C12orf75: variants seen among roughly 807,000 people sequenced by gnomAD.
C12orf75 encodes the protein overexpressed in colon carcinoma 1 protein.
Under a neutral mutation model 11.4 loss-of-function variants are expected in C12orf75, and 4 were observed. The ratio of observed to expected loss-of-function variants is 0.35; its 90% CI spans 0.17 to 0.80. C12orf75 has a LOEUF of 0.80. C12orf75 is among the 30% of genes least tolerant of loss of function. The pLI is 0.52. For synonymous variants in C12orf75, 30 were observed against 30.0 expected (o/e 1.00, Z 0.00); for missense variants, 89 against 80.4 (o/e 1.11, Z -0.41).
intron 1 of C12orf75, among the ~76,000 whole-genome samples, chr12:105,337,534 C>G (rs1382334841): frequency 6.6e-6 from 1 of 152,084 alleles, no homozygotes; most frequent in Non-Finnish European, 1.5e-5. Context: ...ATAGGGGCAT[C>G]TAAAACATCT....
At chr12:105,344,745 CAAAAA>C (rs35185869) in intron 1 of C12orf75, among the ~76,000 whole-genome samples, 1 of 102,576 alleles carries the variant, frequency 9.7e-6, no homozygotes, top group Non-Finnish European at 2.0e-5. Context: ...GACTCTGTGT[CAAAAA>C]AAAAAAAAAA....
intron 2 of C12orf75, among the ~76,000 whole-genome samples, chr12:105,350,340 C>A (rs1892695906): frequency 6.6e-6 from 1 of 152,126 alleles, no homozygotes; most frequent in Admixed American, 6.5e-5. Flanking sequence ...GGAGGAGATG[C>A]TACAGTGGAG....
chr12:105,348,902 A>ATT (rs5800663), intron 2 of C12orf75, among the ~76,000 whole-genome samples: 3 of 150,886 alleles, frequency 2.0e-5, no homozygotes, highest in South Asian at 2.1e-4. Context: ...TGGTATAGAG[A>ATT]TTTTTTTTTT....
At chr12:105,343,228 T>G (rs538383950) in intron 1 of C12orf75, among the ~76,000 whole-genome samples, 1 of 152,166 alleles carries the variant, frequency 6.6e-6, no homozygotes, top group East Asian at 1.9e-4. Context: ...TTTTGGTGTG[T>G]TTTTTTTCCC....
At chr12:105,349,674 A>G (rs937057516) in intron 2 of C12orf75, among the ~76,000 whole-genome samples, 2 of 151,910 alleles carry the variant, frequency 1.3e-5, no homozygotes, top group Admixed American at 6.6e-5. Flanking sequence ...TCAGGAGTTC[A>G]AGACCAACCT....
intron 5 of C12orf75, among the ~76,000 whole-genome samples, chr12:105,369,636 T>C (rs992578067): frequency 1.3e-5 from 2 of 151,892 alleles, no homozygotes; most frequent in East Asian, 3.9e-4. Flanking sequence ...CAGGCCCCGC[T>C]GTGTGATGTT....
At chr12:105,344,118 T>A (rs531307066) in intron 1 of C12orf75, among the ~76,000 whole-genome samples, 1 of 152,302 alleles carries the variant, frequency 6.6e-6, no homozygotes, top group East Asian at 1.9e-4. Flanking sequence ...GTGAAGTGGA[T>A]GGAGAGTTCC....
chr12:105,345,315 C>T (rs186295599), intron 1 of C12orf75, among the ~76,000 whole-genome samples: 10 of 151,930 alleles, frequency 6.6e-5, no homozygotes, highest in Admixed American at 6.5e-4. Context: ...ATGGTGAAAC[C>T]CTGTCTCTAT....
At chr12:105,342,355 C>G (rs1300110172) in intron 1 of C12orf75, among the ~76,000 whole-genome samples, 1 of 152,168 alleles carries the variant, frequency 6.6e-6, no homozygotes, top group Non-Finnish European at 1.5e-5. Context: ...AAGTTTGGCC[C>G]CTTCTTGCGC....
At chr12:105,352,091 T>C (rs1392872735) in intron 2 of C12orf75, among the ~76,000 whole-genome samples, 3 of 152,084 alleles carry the variant, frequency 2.0e-5, no homozygotes, top group Non-Finnish European at 2.9e-5. Flanking sequence ...GTTTAATGAC[T>C]GAACGGGGAA....
At chr12:105,340,679 G>C (rs1156295287) in intron 1 of C12orf75, among the ~76,000 whole-genome samples, 3 of 152,120 alleles carry the variant, frequency 2.0e-5, no homozygotes, top group African/African-American at 4.8e-5. Context: ...TCTCTTTTCT[G>C]CAGTGAGTGA....
chr12:105,361,597 C>T (rs930336782), intron 2 of C12orf75, among the ~76,000 whole-genome samples: 2 of 152,190 alleles, frequency 1.3e-5, no homozygotes, highest in Non-Finnish European at 2.9e-5. Context: ...CTGAGGCAAT[C>T]GCATTGGCCT....
intron 1 of C12orf75, among the ~76,000 whole-genome samples, chr12:105,334,633 C>T (rs940136903): frequency 1.3e-5 from 2 of 152,174 alleles, no homozygotes; most frequent in African/African-American, 2.4e-5. Context: ...GGAGAAACAT[C>T]GGGATTGAAT....
At chr12:105,331,024 C>A in intron 1 of C12orf75, 87 bp downstream of exon 1, 1 of 813,678 alleles carries the variant, frequency 1.2e-6, no homozygotes. Flanking sequence ...GTGGGGGGCG[C>A]GCAGCCCCCT....
intron 1 of C12orf75, among the ~76,000 whole-genome samples, chr12:105,333,478 AAT>A (rs2136138863): frequency 6.6e-6 from 1 of 152,274 alleles, no homozygotes; most frequent in Admixed American, 6.5e-5. Flanking sequence ...CACTACTTCC[AAT>A]ATGTCCCAGG....
intron 1 of C12orf75, among the ~76,000 whole-genome samples, chr12:105,342,438 C>T (rs1892587326): frequency 6.6e-6 from 1 of 152,220 alleles, no homozygotes; most frequent in Non-Finnish European, 1.5e-5. Flanking sequence ...ATGTGAGCCC[C>T]TCAATCTTGG....
chr12:105,365,824 C>G lies in C12orf75; in HGVS notation c.89C>G (p.Thr30Arg). Residue 30 changes from threonine to arginine, a missense_variant, in exon 3 of 6, where the codon ACA becomes AGA. Thr to Arg is a moderately conservative substitution (Grantham distance 71). Coordinates refer to ENST00000443585, the MANE Select transcript of C12orf75 (RefSeq NM_001145199.2). ...AAKDVTEESV[T>R]EDDKRRNYGG... The stretch of plus-strand genomic sequence containing the variant: ...CCTTTTAGAACAGAAGAATCCGTAA[C>G]AGAAGATGACAAGAGGAGGTATGTT... 6.5e-7 allele frequency: 1 copy of G among 1,549,310 alleles called. No individual in the cohort carries two copies. The highest frequency in any genetic ancestry group is 8.7e-7 in the Non-Finnish European group (1 of 1,144,826).
intron 1 of C12orf75, among the ~76,000 whole-genome samples, chr12:105,343,500 C>T (rs1892599125): frequency 6.6e-6 from 1 of 152,202 alleles, no homozygotes; most frequent in African/African-American, 2.4e-5. Flanking sequence ...TAATTTTGAT[C>T]AAAGCACTTT....
intron 3 of C12orf75, 68 bp downstream of exon 3, chr12:105,365,910 T>C (rs1463417875): frequency 2.1e-6 from 2 of 936,826 alleles, no homozygotes; most frequent in Non-Finnish European, 1.7e-6. Context: ...TTTAACACAC[T>C]GTAGCATATT....
Sources: allele counts gnomAD v4.1 joint callset (sites outside exome capture counted in the v4.1 genomes callset), GRCh38; gene constraint gnomAD v4.1.1; transcripts MANE v1.5; gene names NCBI Gene and HGNC (gene_info 2026-07-23, HGNC 2026-07-21).